PLXDC2: variants seen among roughly 807,000 people sequenced by gnomAD.
The protein encoded by PLXDC2 is plexin domain containing 2.
In PLXDC2, 40 loss-of-function variants were observed where a neutral mutation model predicts 68.9. The ratio of observed to expected loss-of-function variants is 0.58; its 90% confidence interval spans 0.45 to 0.76. The LOEUF (loss-of-function observed/expected upper bound fraction) is 0.76. Ranked by LOEUF, PLXDC2 falls within the 30% of genes least tolerant of loss-of-function variation. The pLI is 0.00. For missense variants in PLXDC2, 644 were observed against 661.9 expected (o/e 0.97, Z 0.30); for synonymous variants, 243 against 234.2 (o/e 1.04, Z -0.34).
In PLXDC2 at chr10:20,211,694, C is replaced by T. The variant is rs768342175; in HGVS notation, c.1087C>T (p.Arg363Trp). The T allele has an allele frequency of 9.3e-6, 15 of 1,612,974 alleles. No individual in the cohort carries two copies. The highest frequency in any genetic ancestry group is 3.3e-5 in the South Asian group (3 of 91,038). ...QRCSSGFDRH[R>W]QDWVDSGCPE... ...ATGTTCCAGTGGATTTGATCGTCAT[C>T]GGCAGGACTGGGTGGACAGTGGATG... The change falls in exon 10 of 14, where the codon CGG (arginine) becomes TGG (tryptophan). Residue 363 changes from arginine to tryptophan, a missense_variant. By Grantham distance (101) the Arg-to-Trp change is moderately radical. Coordinates refer to ENST00000377252, the MANE Select transcript of PLXDC2 (RefSeq NM_032812.9).
chr10:19,897,227 C>CTTTT (rs558204823), intron 1 of PLXDC2, among the ~76,000 whole-genome samples: 3 of 139,968 alleles, frequency 2.1e-5, no homozygotes, highest in Non-Finnish European at 1.6e-5. Flanking sequence ...ATTCCCTTCT[C>CTTTT]TTTTTTTTTT....
chr10:20,133,890 CTT>C (rs1216214989), intron 4 of PLXDC2, among the ~76,000 whole-genome samples: 1 of 152,106 alleles, frequency 6.6e-6, no homozygotes, highest in Non-Finnish European at 1.5e-5. Context: ...TTTCTTTACT[CTT>C]TTAAAAATTC....
At chr10:20,219,525 T>C (rs1835183539) in intron 12 of PLXDC2, among the ~76,000 whole-genome samples, 1 of 152,170 alleles carries the variant, frequency 6.6e-6, no homozygotes, top group South Asian at 2.1e-4. Context: ...TAGGTCTTTT[T>C]ATCAGCTCTA....
intron 6 of PLXDC2, among the ~76,000 whole-genome samples, chr10:20,163,926 T>C (rs919034663): frequency 5.3e-5 from 8 of 152,194 alleles, no homozygotes; most frequent in African/African-American, 1.9e-4. Context: ...ACCAGAATGG[T>C]GAAATGATTG....
Position 20,217,593 on chromosome 10 carries a change from T to A in PLXDC2, c.1273+17T>A. ...CTACAGAAGGTACCCAAGAGATAGTTTGCTTTTTTTTTTTTTTTTTTTTTT... is the reference window on the plus strand; with the variant it reads ...CTACAGAAGGTACCCAAGAGATAGTATGCTTTTTTTTTTTTTTTTTTTTTT... On this transcript the variant is annotated intron_variant, in intron 11 of 13. Transcript: ENST00000377252. 1 of 1,405,128 alleles carries A rather than the reference T, an allele frequency of 7.1e-7. No homozygotes were observed. The highest frequency in any genetic ancestry group is 9.2e-7 in the Non-Finnish European group (1 of 1,084,334). 87.0% of individuals were successfully genotyped at this position (1,405,128 alleles called of 1,614,324 possible).
intron 1 of PLXDC2, among the ~76,000 whole-genome samples, chr10:19,920,946 G>T (rs945299851): frequency 1.2e-4 from 18 of 151,690 alleles, no homozygotes; most frequent in African/African-American, 2.9e-4. Context: ...ATTTTTTATA[G>T]AGAGAGGGTC....
intron 1 of PLXDC2, among the ~76,000 whole-genome samples, chr10:19,974,419 C>A (rs1333356173): frequency 6.6e-6 from 1 of 152,184 alleles, no homozygotes; most frequent in Non-Finnish European, 1.5e-5. Flanking sequence ...GCAACATTAA[C>A]ATGGAAATAT....
intron 3 of PLXDC2, among the ~76,000 whole-genome samples, chr10:20,051,430 ATATATATATATATG>A (rs1391108797): frequency 2.6e-5 from 2 of 77,924 alleles, no homozygotes; most frequent in African/African-American, 4.1e-5. Flanking sequence ...ATATATATAT[ATATATATATATATG>A]TGCTATTATG....
chr10:19,910,168 T>TTATATATATATA (rs3043811), intron 1 of PLXDC2, among the ~76,000 whole-genome samples: 76 of 145,250 alleles, frequency 5.2e-4, no homozygotes, highest in African/African-American at 1.7e-3. Flanking sequence ...TTGTACACTT[T>TTATATATATATA]TATATATATA....
intron 12 of PLXDC2, among the ~76,000 whole-genome samples, chr10:20,223,246 T>G (rs984916704): frequency 1.3e-5 from 2 of 152,142 alleles, no homozygotes; most frequent in Non-Finnish European, 2.9e-5. Context: ...GTGAATCTAT[T>G]TAGCCTTGAT....
chr10:19,948,983 A>G (rs967322996), intron 1 of PLXDC2, among the ~76,000 whole-genome samples: 1 of 151,958 alleles, frequency 6.6e-6, no homozygotes, highest in Admixed American at 6.6e-5. Context: ...TACAAAAATT[A>G]TCTGGGCATG....
chr10:20,066,499 T>G (rs1009739950), intron 3 of PLXDC2, among the ~76,000 whole-genome samples: 1 of 152,188 alleles, frequency 6.6e-6, no homozygotes, highest in Non-Finnish European at 1.5e-5. Flanking sequence ...AGCAAGTGCT[T>G]TTATAAAATT....
intron 9 of PLXDC2, among the ~76,000 whole-genome samples, chr10:20,209,268 G>A (rs1835035495): frequency 2.0e-5 from 3 of 151,986 alleles, no homozygotes; most frequent in South Asian, 2.1e-4. Flanking sequence ...CCCCTGAAGC[G>A]GCCATTTCAG....
At chr10:20,278,561 C>A (rs1359957346) in intron 13 of PLXDC2, among the ~76,000 whole-genome samples, 2 of 152,076 alleles carry the variant, frequency 1.3e-5, no homozygotes, top group Non-Finnish European at 2.9e-5. Context: ...GCATTCTGAC[C>A]ACATAATGTT....
chr10:20,046,409 T>C (rs997983029), intron 2 of PLXDC2, among the ~76,000 whole-genome samples: 1 of 152,124 alleles, frequency 6.6e-6, no homozygotes, highest in African/African-American at 2.4e-5. Context: ...ATCATTATTC[T>C]CCACGTTTAC....
At chr10:19,824,938 A>T (rs1246065576) in intron 1 of PLXDC2, among the ~76,000 whole-genome samples, 4 of 152,232 alleles carry the variant, frequency 2.6e-5, no homozygotes, top group Non-Finnish European at 4.4e-5. Flanking sequence ...TAAGGATTAC[A>T]GATCTGAACA....
chr10:19,920,003 C>T (rs1286531648), intron 1 of PLXDC2, among the ~76,000 whole-genome samples: 1 of 152,188 alleles, frequency 6.6e-6, no homozygotes. Flanking sequence ...AACACACACT[C>T]AAGTAATTTT....
chr10:20,235,302 G>A (rs1276171536), intron 12 of PLXDC2, among the ~76,000 whole-genome samples: 3 of 152,184 alleles, frequency 2.0e-5, no homozygotes, highest in African/African-American at 7.2e-5. Context: ...GCCCTCTGCA[G>A]CCATGATTGA....
rs183576266 is a variant in PLXDC2 at position 19,969,333 on chromosome 10, C to T, written c.113-32442C>T. ...AGTGGAAATTAAATCCCACGAAAAC[C>T]AAACTGTGATTTGAACTGAAAATAG... On this transcript the variant is annotated intron_variant, in intron 1 of 13. Transcript: ENST00000377252. Among the ~76,000 whole-genome samples, 147 of 152,262 alleles carry T rather than the reference C, an allele frequency of 9.7e-4. 3 individuals carry two copies. The East Asian group carries it at 0.026, about 27-fold the overall frequency.
Sources: gnomAD v4.1 joint callset for allele counts (sites outside exome capture counted in the v4.1 genomes callset) on GRCh38, gnomAD v4.1.1 for gene constraint, MANE v1.5 for transcripts, NCBI Gene and HGNC (gene_info 2026-07-23, HGNC 2026-07-21) for gene names.